Variants in ALCAM observed in about 807,000 individuals in gnomAD.
ALCAM encodes the protein activated leukocyte cell adhesion molecule, also known as CD166 antigen.
Under a neutral mutation model 70.9 loss-of-function variants are expected in ALCAM, and 30 were observed. That is an observed-to-expected ratio of 0.42 (90% CI 0.32 to 0.57). The LOEUF is 0.57. Among genes scored for constraint, ALCAM ranks in the 20% least tolerant of loss-of-function variants. The probability of loss-of-function intolerance (pLI) is 0.11; values close to 1 mark genes in which losing one functional copy is unlikely to be tolerated. For missense variants in ALCAM, 591 were observed against 695.1 expected, an observed-to-expected ratio of 0.85 and a Z score of 1.68; for synonymous variants, 249 against 242.5, an observed-to-expected ratio of 1.03 and a Z score of -0.25.
rs150859148 is a variant in ALCAM, at chr3:105,485,490, T to C, written c.74-34577T>C. 8.5e-4 allele frequency among the ~76,000 whole-genome samples: 130 copies of C among 152,082 alleles called. 1 individual carries two copies. The highest frequency in any genetic ancestry group is 2.8e-3 in the African/African-American group (116 of 41,532). The stretch of plus-strand genomic sequence containing the variant: ...TTCCTAGAATGCAAAAAAATATATC[T>C]AACCAGTACATTTTAACCCAGAAAT... On this transcript the variant is annotated intron_variant, in intron 1 of 15. Transcript: ENST00000306107.
At chr3:105,568,063 AT>A (rs71111369) in intron 14 of ALCAM, among the ~76,000 whole-genome samples, 1,760 of 116,902 alleles carry the variant, frequency 0.015, 24 homozygotes, top group African/African-American at 0.045. Flanking sequence ...ATTTTATTTT[AT>A]TTTTTTTTTT....
At chr3:105,424,213 C>T (rs1243409596) in intron 1 of ALCAM, among the ~76,000 whole-genome samples, 2 of 151,494 alleles carry the variant, frequency 1.3e-5, no homozygotes, top group Admixed American at 1.3e-4. Context: ...AAAATGAAGC[C>T]TGAGCCATGT....
At chr3:105,429,126 G>A (rs1031696114) in intron 1 of ALCAM, among the ~76,000 whole-genome samples, 1 of 151,902 alleles carries the variant, frequency 6.6e-6, no homozygotes, top group African/African-American at 2.4e-5. Context: ...AATTCCATCT[G>A]CAAAAAATCT....
chr3:105,573,563 T>C (rs976113284), intron 15 of ALCAM, among the ~76,000 whole-genome samples: 4 of 152,208 alleles, frequency 2.6e-5, no homozygotes, highest in African/African-American at 9.6e-5. Context: ...ATTTAACATA[T>C]AAAATAGCTG....
At chr3:105,417,981 A>T (rs1304384567) in intron 1 of ALCAM, among the ~76,000 whole-genome samples, 1 of 151,688 alleles carries the variant, frequency 6.6e-6, no homozygotes, top group Non-Finnish European at 1.5e-5. Flanking sequence ...AGATGCAGTG[A>T]TCTAAAGGTA....
At chr3:105,374,307 G>C (rs551760231) in intron 1 of ALCAM, among the ~76,000 whole-genome samples, 3 of 152,144 alleles carry the variant, frequency 2.0e-5, no homozygotes, top group African/African-American at 7.2e-5. Context: ...TATAATCCTA[G>C]CACTTTGGGA....
chr3:105,551,490 A>T (rs189618462), intron 12 of ALCAM, among the ~76,000 whole-genome samples: 1 of 151,816 alleles, frequency 6.6e-6, no homozygotes, highest in African/African-American at 2.4e-5. Context: ...ATCAAATGTC[A>T]CTGGCAGTTC....
chr3:105,452,904 G>A lies in ALCAM; in HGVS notation c.74-67163G>A, dbSNP rs189041002. ...AAGTGTCTGTTCATACCCTTTGCCC[G>A]CTTTTTGATGGGGTTGTTTGTTTTT... On this transcript the variant is annotated intron_variant, in intron 1 of 15. Coordinates refer to ENST00000306107, the MANE Select transcript of ALCAM (RefSeq NM_001627.4). Among the ~76,000 whole-genome samples, 142 of 150,746 alleles carry A rather than the reference G, an allele frequency of 9.4e-4. No homozygotes were observed. The East Asian group carries it at 0.021, about 22-fold the overall frequency.
chr3:105,407,854 G>T (rs908636802), intron 1 of ALCAM, among the ~76,000 whole-genome samples: 1 of 152,096 alleles, frequency 6.6e-6, no homozygotes, highest in African/African-American at 2.4e-5. Context: ...AATGAATTCA[G>T]CAAAGTTTCA....
intron 1 of ALCAM, among the ~76,000 whole-genome samples, chr3:105,388,209 A>G (rs1447970602): frequency 6.6e-6 from 1 of 151,620 alleles, no homozygotes; most frequent in Admixed American, 6.6e-5. Flanking sequence ...TGGTTCAGAG[A>G]AAAGAAAATG....
chr3:105,443,389 C>T (rs1204814613), intron 1 of ALCAM, among the ~76,000 whole-genome samples: 2 of 152,092 alleles, frequency 1.3e-5, no homozygotes, highest in Non-Finnish European at 2.9e-5. Flanking sequence ...CTCTGCAAGG[C>T]GCAGTGTGTC....
chr3:105,410,386 G>T (rs192076001), intron 1 of ALCAM, among the ~76,000 whole-genome samples: 1 of 152,106 alleles, frequency 6.6e-6, no homozygotes, highest in Admixed American at 6.6e-5. Context: ...AATTAGAATT[G>T]GTTTAAGGTG....
intron 8 of ALCAM, among the ~76,000 whole-genome samples, chr3:105,543,518 C>G (rs935270928): frequency 6.6e-6 from 1 of 151,474 alleles, no homozygotes; most frequent in Non-Finnish European, 1.5e-5. Context: ...TTTCCAAAAA[C>G]AAGATTTGTT....
Position 105,575,406 on chromosome 3 carries a change from T to C in ALCAM, c.*955T>C, listed in dbSNP as rs1940941637. 6.6e-6 allele frequency: 1 copy of C among 152,602 alleles called. No homozygotes were observed. The highest frequency in any genetic ancestry group is 1.5e-5 in the Non-Finnish European group (1 of 68,020). The allele number at this position is 152,602 out of a possible 1,614,324, so 9.5% of individuals were successfully genotyped here. A position where few individuals can be genotyped will look rare whatever the true frequency, so the allele number is the denominator to read the frequency against. ...AAAAGATATCAATCAGAATTGGAGT[T>C]TTTAACAGTGGTCATTATCAAAGCT... On this transcript the variant is annotated 3_prime_UTR_variant, in exon 16 of 16. Coordinates refer to ENST00000306107, the MANE Select transcript of ALCAM (RefSeq NM_001627.4).
At chr3:105,463,972 A>G (rs938956732) in intron 1 of ALCAM, among the ~76,000 whole-genome samples, 3 of 151,472 alleles carry the variant, frequency 2.0e-5, no homozygotes, top group South Asian at 2.1e-4. Flanking sequence ...GTTCACCACA[A>G]GCAAGATTAA....
At chr3:105,525,101 G>A (rs1939661740) in intron 3 of ALCAM, 2 of 974,926 alleles carry the variant, frequency 2.1e-6, no homozygotes, top group African/African-American at 1.8e-5. Flanking sequence ...TTTATTGACT[G>A]GTTATTGATT....
chr3:105,540,242 T>C (rs1377547575), intron 7 of ALCAM, 140 bp downstream of exon 7: 1 of 818,482 alleles, frequency 1.2e-6, no homozygotes, highest in Non-Finnish European at 1.8e-6. Context: ...TGGAAGCTTT[T>C]TCTGCACCTG....
intron 1 of ALCAM, among the ~76,000 whole-genome samples, chr3:105,419,550 C>T (rs1007548021): frequency 6.6e-6 from 1 of 151,590 alleles, no homozygotes; most frequent in Admixed American, 6.6e-5. Context: ...AGCAACTGCA[C>T]GATGTTTCAA....
chr3:105,496,228 G>A (rs1052790455), intron 1 of ALCAM, among the ~76,000 whole-genome samples: 9 of 152,084 alleles, frequency 5.9e-5, no homozygotes, highest in East Asian at 1.9e-4. Context: ...CAAATTAGGC[G>A]AATAATTTTA....
Sources: gnomAD v4.1 joint callset for allele counts (sites outside exome capture counted in the v4.1 genomes callset) on GRCh38, gnomAD v4.1.1 for gene constraint, MANE v1.5 for transcripts, NCBI Gene and HGNC (gene_info 2026-07-23, HGNC 2026-07-21) for gene names.